Variants in GRID1 observed in about 807,000 individuals in gnomAD.
GRID1 encodes glutamate ionotropic receptor delta type subunit 1.
Under a neutral mutation model 98.0 loss-of-function variants are expected in GRID1, and 28 were observed. The observed-to-expected ratio is 0.29, with a 90% CI of 0.21 to 0.39. The LOEUF is 0.39. Among genes scored for constraint, GRID1 ranks in the 10% least tolerant of loss-of-function variants. GRID1 has a pLI of 1.00. For synonymous variants in GRID1, 553 were observed against 538.5 expected (o/e 1.03, Z -0.37); for missense variants, 1,111 against 1,340.5 (o/e 0.83, Z 2.67).
chr10:86,207,921 C>G (rs1426156284), intron 2 of GRID1, among the ~76,000 whole-genome samples: 1 of 152,152 alleles, frequency 6.6e-6, no homozygotes, highest in Non-Finnish European at 1.5e-5. Flanking sequence ...TGAGCCACCG[C>G]GCCCGGCCGC....
chr10:85,992,464 G>C (rs1842691827), intron 4 of GRID1, among the ~76,000 whole-genome samples: 1 of 152,124 alleles, frequency 6.6e-6, no homozygotes, highest in Admixed American at 6.5e-5. Flanking sequence ...AAGACATGAA[G>C]ATAAGGGTTT....
intron 12 of GRID1, among the ~76,000 whole-genome samples, chr10:85,676,997 G>A (rs374176287): frequency 1.4e-4 from 21 of 152,246 alleles, no homozygotes; most frequent in East Asian, 5.8e-4. Context: ...AGTGGCTGCT[G>A]TTTGCAGATG....
chr10:86,355,275 A>C (rs1248997782), intron 2 of GRID1, among the ~76,000 whole-genome samples: 3 of 152,260 alleles, frequency 2.0e-5, no homozygotes, highest in Non-Finnish European at 4.4e-5. Context: ...CCGCCTCTTC[A>C]GCTCCTGGAC....
At chr10:86,050,101 C>G (rs2131904885) in intron 4 of GRID1, among the ~76,000 whole-genome samples, 1 of 152,306 alleles carries the variant, frequency 6.6e-6, no homozygotes, top group East Asian at 1.9e-4. Context: ...CGTGATTCCA[C>G]AGATGGCTCA....
chr10:85,672,383 C>T (rs550535041), intron 12 of GRID1, among the ~76,000 whole-genome samples: 14 of 152,208 alleles, frequency 9.2e-5, no homozygotes, highest in African/African-American at 1.2e-4. Context: ...TCTTGGCTCA[C>T]TGCAACCTCC....
intron 12 of GRID1, among the ~76,000 whole-genome samples, chr10:85,652,643 T>G (rs1840836056): frequency 6.6e-6 from 1 of 152,180 alleles, no homozygotes; most frequent in South Asian, 2.1e-4. Flanking sequence ...GAGATGATGC[T>G]GCAATCATCA....
intron 8 of GRID1, among the ~76,000 whole-genome samples, chr10:85,765,243 A>G (rs1001263006): frequency 1.3e-5 from 2 of 152,196 alleles, no homozygotes; most frequent in Non-Finnish European, 2.9e-5. Context: ...TTCCATGTGT[A>G]AGTGATCATG....
intron 2 of GRID1, among the ~76,000 whole-genome samples, chr10:86,282,472 C>T (rs928077175): frequency 2.0e-5 from 3 of 152,176 alleles, no homozygotes; most frequent in East Asian, 3.9e-4. Flanking sequence ...CACAGGGGAT[C>T]CGTGGTCCAT....
Position 85,729,592 on chromosome 10 carries a change from TTC to T in GRID1, c.1254_1255del (p.Lys419GlyfsTer21), listed in dbSNP as rs1453475694. ...CTCTTGCAAGCTGCCATTCAAGCCC[TTC>T]TCTGAGTCCCATGTCGCCAACTGTG... On this transcript the variant is annotated frameshift_variant, in exon 9 of 16. Coordinates refer to ENST00000327946, the MANE Select transcript of GRID1 (RefSeq NM_017551.3). LOFTEE classifies it high-confidence loss of function. 1 of 1,612,288 alleles carries T rather than the reference TTC, an allele frequency of 6.2e-7. No homozygotes were observed. Among genetic ancestry groups the T allele is most frequent in the East Asian group, 2.2e-5 (1 of 44,860 alleles).
At chr10:86,131,593 G>C (rs1844839507) in intron 4 of GRID1, among the ~76,000 whole-genome samples, 1 of 152,150 alleles carries the variant, frequency 6.6e-6, no homozygotes, top group African/African-American at 2.4e-5. Flanking sequence ...GCACCCCAGA[G>C]CACCAAGAAT....
chr10:86,257,507 G>T (rs1846941162), intron 2 of GRID1, among the ~76,000 whole-genome samples: 1 of 152,320 alleles, frequency 6.6e-6, no homozygotes, highest in East Asian at 1.9e-4. Context: ...TGTGGGAGAA[G>T]ATCTGGATGC....
At chr10:86,186,265 C>T (rs148583434) in intron 3 of GRID1, among the ~76,000 whole-genome samples, 1 of 152,128 alleles carries the variant, frequency 6.6e-6, no homozygotes, top group African/African-American at 2.4e-5. Context: ...GTGATGTCAC[C>T]TTTCTCATTT....
chr10:86,301,709 TTGCC>T (rs1333111196), intron 2 of GRID1, among the ~76,000 whole-genome samples: 1 of 152,204 alleles, frequency 6.6e-6, no homozygotes, highest in East Asian at 1.9e-4. Flanking sequence ...TGAGCAGTGT[TTGCC>T]TGAACCATTG....
In GRID1 at chr10:86,206,725, G is replaced by T; in HGVS notation, c.236-77C>A. ...ACCAGCTTCAACCTGCAGGCCCCAT[G>T]CCTGGCAGCTCATGCCCAGGACTCC... On this transcript the variant is annotated intron_variant, in intron 2 of 15. Transcript: ENST00000327946. The surrounding 1 kb of genome is among the most constrained non-coding windows in gnomAD (Gnocchi z 4.1). 7.2e-7 allele frequency: 1 copy of T among 1,380,468 alleles called. No homozygotes were observed. Among genetic ancestry groups the T allele is most frequent in the Non-Finnish European group, 1.0e-6 (1 of 1,003,758 alleles). 85.5% of individuals were successfully genotyped at this position (1,380,468 alleles called of 1,614,324 possible).
chr10:86,214,827 C>A (rs768739959), intron 2 of GRID1, among the ~76,000 whole-genome samples: 15 of 152,318 alleles, frequency 9.8e-5, no homozygotes, highest in Middle Eastern at 3.4e-3. Flanking sequence ...CAAGATAGTG[C>A]CACTGCACTT....
intron 4 of GRID1, among the ~76,000 whole-genome samples, chr10:85,930,394 ATATAT>A (rs902420861): frequency 3.8e-4 from 57 of 150,130 alleles, no homozygotes; most frequent in Non-Finnish European, 3.8e-4. Context: ...ATTTGTAGTT[ATATAT>A]TATATTATAT....
At chr10:86,055,059 G>C (rs1461990755) in intron 4 of GRID1, among the ~76,000 whole-genome samples, 1 of 152,172 alleles carries the variant, frequency 6.6e-6, no homozygotes. Context: ...AGCCACATGA[G>C]CCAAGGCCAC....
chr10:86,301,301 G>A (rs2132081917), intron 2 of GRID1, among the ~76,000 whole-genome samples: 1 of 152,348 alleles, frequency 6.6e-6, no homozygotes, highest in South Asian at 2.1e-4. Flanking sequence ...TTGCACTGAA[G>A]AAACATCAAA....
In GRID1 at chr10:86,255,564, G is replaced by A. The variant is rs539191900; in HGVS notation, c.236-48916C>T. Among the ~76,000 whole-genome samples, 9 of 152,268 alleles carry A rather than the reference G, an allele frequency of 5.9e-5. No homozygotes were observed. The South Asian group carries it at 6.2e-4, about 11-fold the overall frequency. ...GCTAGGCTCTGTGCACCTGTGGCTC[G>A]GGTCACCCTTTTCCTCCTGCAGTCG... On this transcript the variant is annotated intron_variant, in intron 2 of 15. Coordinates refer to ENST00000327946, the MANE Select transcript of GRID1 (RefSeq NM_017551.3).
Sources: gnomAD v4.1 joint callset for allele counts (sites outside exome capture counted in the v4.1 genomes callset) on GRCh38, gnomAD v4.1.1 for gene constraint, Gnocchi (gnomAD v3.1) non-coding constraint, MANE v1.5 for transcripts, NCBI Gene and HGNC (gene_info 2026-07-23, HGNC 2026-07-21) for gene names.